Variants in KALRN observed in about 807,000 individuals in gnomAD.
KALRN encodes the protein kalirin RhoGEF kinase.
Under a neutral mutation model 353.7 loss-of-function variants are expected in KALRN, and 70 were observed. The ratio of observed to expected loss-of-function variants is 0.20; its 90% CI spans 0.16 to 0.24. The LOEUF is 0.24. KALRN is among the 10% of genes least tolerant of loss of function. The pLI is 1.00. For synonymous variants in KALRN, 1,391 were observed against 1,434.8 expected (o/e 0.97, Z 0.69); for missense variants, 2,791 against 3,756.7 (o/e 0.74, Z 6.72).
intron 1 of KALRN, among the ~76,000 whole-genome samples, chr3:124,173,609 C>T (rs2072211587): frequency 6.6e-6 from 1 of 152,024 alleles, no homozygotes; most frequent in South Asian, 2.1e-4. Context: ...CCAAGGTTTC[C>T]TGTGCTTTTT....
At chr3:124,666,196 C>A (rs532046598) in intron 45 of KALRN, among the ~76,000 whole-genome samples, 1 of 152,280 alleles carries the variant, frequency 6.6e-6, no homozygotes, top group African/African-American at 2.4e-5. Context: ...TGGCATTTGC[C>A]TGGAGCTGTT....
intron 33 of KALRN, among the ~76,000 whole-genome samples, chr3:124,539,928 G>T (rs9858769): frequency 6.0e-5 from 9 of 150,166 alleles, no homozygotes; most frequent in Non-Finnish European, 1.2e-4. Flanking sequence ...TTTTTGGGGG[G>T]GGGGACAGGG....
At chr3:124,061,502 T>C (rs1004235713) in intron 1 of KALRN, among the ~76,000 whole-genome samples, 2 of 152,244 alleles carry the variant, frequency 1.3e-5, no homozygotes, top group Admixed American at 1.3e-4. Flanking sequence ...TTCATAACAA[T>C]GGCACTAAGT....
rs949815572 is a variant in KALRN, at chr3:124,674,867, T to C, written c.7193+253T>C. The C allele has an allele frequency of 2.8e-5, 11 of 390,696 alleles. 1 individual carries two copies. Among genetic ancestry groups the C allele is most frequent in the Non-Finnish European group, 4.5e-5 (10 of 222,182 alleles). The allele number at this position is 390,696 out of a possible 1,614,324, so 24.2% of individuals were successfully genotyped here. On this transcript the variant is annotated intron_variant, in intron 49 of 59. Transcript: ENST00000682506. ...TTGGTTTATAATTTTCTGTTCATTT[T>C]TCCCCCTTTCTCCCCCACATTCATT...
chr3:124,313,156 T>C (rs2078449231), intron 6 of KALRN, among the ~76,000 whole-genome samples: 1 of 152,180 alleles, frequency 6.6e-6, no homozygotes, highest in African/African-American at 2.4e-5. Context: ...CCCCAGGCGA[T>C]ACACACTAAC....
At chr3:124,483,830 T>C (rs2062250676) in intron 28 of KALRN, among the ~76,000 whole-genome samples, 1 of 152,182 alleles carries the variant, frequency 6.6e-6, no homozygotes, top group Non-Finnish European at 1.5e-5. Context: ...TAACCAAATA[T>C]GCAAAACACT....
intron 1 of KALRN, among the ~76,000 whole-genome samples, chr3:124,174,571 C>T (rs1396058276): frequency 6.6e-6 from 1 of 152,246 alleles, no homozygotes; most frequent in Non-Finnish European, 1.5e-5. Flanking sequence ...CTGGGCCACT[C>T]CTCCATCCCC....
chr3:124,459,104 G>A (rs1329084537), intron 23 of KALRN, among the ~76,000 whole-genome samples: 1 of 152,110 alleles, frequency 6.6e-6, no homozygotes, highest in East Asian at 1.9e-4. Context: ...AAGAAAATAA[G>A]GCATGCTTTA....
intron 23 of KALRN, among the ~76,000 whole-genome samples, chr3:124,457,863 C>T (rs115676558): frequency 0.014 from 2,112 of 152,318 alleles, 20 homozygotes; most frequent in Non-Finnish European, 0.022. Flanking sequence ...GTACTGCTAT[C>T]GTTTGTCCTC....
rs114082360 is a variant in KALRN, at chr3:124,633,749, A to T, written c.5467-103A>T. 3,975 of 912,248 alleles carry T rather than the reference A, an allele frequency of 4.4e-3. 108 individuals are homozygous for T. The African/African-American group carries it at 0.055, about 13-fold the overall frequency. 56.5% of individuals were successfully genotyped at this position (912,248 alleles called of 1,614,324 possible). A position where few individuals can be genotyped will look rare whatever the true frequency, so the allele number is the denominator to read the frequency against. On this transcript the variant is annotated intron_variant, in intron 35 of 59. Coordinates refer to ENST00000682506, the MANE Select transcript of KALRN (RefSeq NM_001388419.1). ...CGACTGAACAGTTAAGAGTGAGTTG[A>T]GAGAGGAACTCTCCTCCTATGTATT...
chr3:124,202,926 C>T (rs775733228), intron 1 of KALRN, among the ~76,000 whole-genome samples: 4 of 152,142 alleles, frequency 2.6e-5, no homozygotes, highest in East Asian at 1.9e-4. Flanking sequence ...TGCAGTGTGT[C>T]GTGCCAGCTG....
chr3:124,359,305 C>T (rs781320493), intron 10 of KALRN, among the ~76,000 whole-genome samples: 5 of 152,176 alleles, frequency 3.3e-5, no homozygotes, highest in Admixed American at 6.5e-5. Context: ...TTGATTTGGC[C>T]GGTATCTGGC....
intron 1 of KALRN, among the ~76,000 whole-genome samples, chr3:124,041,761 A>G (rs1476219566): frequency 2.0e-5 from 3 of 152,194 alleles, no homozygotes; most frequent in African/African-American, 4.8e-5. Context: ...TTTGTGTATG[A>G]ATGACTGGCA....
chr3:124,571,225 C>T (rs2073476975), intron 34 of KALRN, among the ~76,000 whole-genome samples: 1 of 152,212 alleles, frequency 6.6e-6, no homozygotes, highest in East Asian at 1.9e-4. Context: ...CTCCATAAAT[C>T]CTTTTATTAA....
chr3:124,477,401 AT>A, intron 27 of KALRN, 67 bp downstream of exon 27: 6 of 1,130,238 alleles, frequency 5.3e-6, no homozygotes, highest in Non-Finnish European at 6.7e-6. Context: ...CTTTGGCATA[AT>A]GGATGGATAT....
chr3:124,406,900 C>T (rs1416913682), intron 13 of KALRN, among the ~76,000 whole-genome samples: 3 of 141,768 alleles, frequency 2.1e-5, no homozygotes, highest in Non-Finnish European at 4.5e-5. Flanking sequence ...GGCATGATCT[C>T]GGCTCACTGC....
chr3:124,423,488 A>T (rs1283105439), intron 15 of KALRN, among the ~76,000 whole-genome samples: 5 of 152,228 alleles, frequency 3.3e-5, no homozygotes, highest in African/African-American at 1.2e-4. Context: ...AAAAGGAAAA[A>T]TAACTTATCT....
chr3:124,634,021 A>G, intron 36 of KALRN, 68 bp downstream of exon 36: 2 of 1,173,734 alleles, frequency 1.7e-6, no homozygotes, highest in Non-Finnish European at 2.5e-6. Context: ...TTTGTGTGTG[A>G]TGGGGGTAGT....
chr3:124,344,427 A>G (rs1378228293), intron 9 of KALRN, among the ~76,000 whole-genome samples: 1 of 152,248 alleles, frequency 6.6e-6, no homozygotes, highest in African/African-American at 2.4e-5. Context: ...ACATGGAATC[A>G]GGGTCCAGAC....
Sources: gnomAD v4.1 joint callset for allele counts (sites outside exome capture counted in the v4.1 genomes callset) on GRCh38, gnomAD v4.1.1 for gene constraint, MANE v1.5 for transcripts, NCBI Gene and HGNC (gene_info 2026-07-23, HGNC 2026-07-21) for gene names.